Variants in BEST1 observed in about 807,000 individuals in gnomAD.
The protein encoded by BEST1 is bestrophin-1.
A neutral mutation model predicts 63.3 loss-of-function variants in BEST1; 58 were observed. That is an observed-to-expected ratio of 0.92 (90% CI 0.74 to 1.14). BEST1 has a LOEUF of 1.14. BEST1 is among the 50% of genes most tolerant of loss of function. The pLI, the probability that BEST1 is intolerant of heterozygous loss-of-function variation, is 0.00. For missense variants in BEST1, 671 were observed against 740.1 expected (o/e 0.91, Z 1.08); for synonymous variants, 283 against 291.6 (o/e 0.97, Z 0.30).
intron 3 of BEST1, 96 bp downstream of exon 3, chr11:61,955,297 G>A (rs1941177953): frequency 6.3e-6 from 10 of 1,590,840 alleles, no homozygotes; most frequent in Non-Finnish European, 8.6e-6. Flanking sequence ...AAGGGGCTGG[G>A]GAGGGGGCGG....
chr11:61,958,351 G>A, intron 7 of BEST1, 53 bp downstream of exon 7: 1 of 1,613,454 alleles, frequency 6.2e-7, no homozygotes, highest in Non-Finnish European at 8.5e-7. Context: ...AGGGGTCATG[G>A]CCAGCAGCTG....
In BEST1 at chr11:61,962,238, C is replaced by T. The variant is rs762958764; in HGVS notation, c.1101-17C>T. 15 of 1,613,338 alleles carry T rather than the reference C, an allele frequency of 9.3e-6. No homozygotes were observed. Among genetic ancestry groups the T allele is most frequent in the Admixed American group, 1.7e-5 (1 of 59,990 alleles). On this transcript the variant is annotated splice_polypyrimidine_tract_variant and intron_variant, in intron 9 of 10. Transcript: ENST00000378043. ...TTTGTCCACTGGCTCAGCCCTGCAT[C>T]TCCTGTTTCTTTCCAGCCTGAACAA...
rs1312136371 is a variant in BEST1 at position 61,957,533 on chromosome 11, G to GCACCTA, written c.714+69_714+70insCACCTA. ...CTAGAAGGACCAAGGAAGCAGCTGG[G>GCACCTA]GTGGGAAGGGCTCACCTAGAGGCTA... On this transcript the variant is annotated intron_variant, in intron 6 of 10. Transcript: ENST00000378043. The GCACCTA allele has an allele frequency of 3.1e-3, 4,618 of 1,482,374 alleles. 266 individuals are homozygous for GCACCTA. In the African/African-American group the frequency reaches 0.068, roughly 22 times the overall value. The allele number at this position is 1,482,374 out of a possible 1,614,324, so 91.8% of individuals were successfully genotyped here. A position where few individuals can be genotyped will look rare whatever the true frequency, so the allele number is the denominator to read the frequency against.
In BEST1 at chr11:61,964,291, C is replaced by T; in HGVS notation, c.*169C>T. Reference sequence around the variant, plus strand: ...GATAAAAATCCCAGACTACTTCAGCCTTTAATGCCTTTTATTCATAAAAAC... The same window carrying T: ...GATAAAAATCCCAGACTACTTCAGCTTTTAATGCCTTTTATTCATAAAAAC... On this transcript the variant is annotated 3_prime_UTR_variant, in exon 11 of 11. Coordinates refer to ENST00000378043, the MANE Select transcript of BEST1 (RefSeq NM_004183.4). 2 of 1,268,890 alleles carry T rather than the reference C, an allele frequency of 1.6e-6. No individual in the cohort carries two copies. The highest frequency in any genetic ancestry group is 2.5e-5 in the East Asian group (1 of 39,698). 78.6% of individuals were successfully genotyped at this position (1,268,890 alleles called of 1,614,324 possible). A position where few individuals can be genotyped will look rare whatever the true frequency, so the allele number is the denominator to read the frequency against.
intron 7 of BEST1, chr11:61,959,259 G>A (rs1048402690): frequency 2.2e-5 from 13 of 582,802 alleles, no homozygotes; most frequent in Non-Finnish European, 3.7e-5. Flanking sequence ...GATACACTCA[G>A]GGACAGCTGT....
chr11:61,962,086 GAGGTACAGGACAGATC>G, intron 9 of BEST1, 153 bp from the exon 10 acceptor site: 1 of 666,004 alleles, frequency 1.5e-6, no homozygotes, highest in Non-Finnish European at 2.6e-6. Flanking sequence ...GGATCACCGG[GAGGTACAGGACAGATC>G]AGGAGAGAGG....
chr11:61,956,432 G>A (rs907658017), intron 4 of BEST1, among the ~76,000 whole-genome samples: 20 of 152,078 alleles, frequency 1.3e-4, no homozygotes, highest in African/African-American at 4.8e-4. Context: ...TGGGAAGATC[G>A]CTTGAGCCCA....
intron 10 of BEST1, 156 bp downstream of exon 10, chr11:61,963,049 T>C (rs1942246498): frequency 6.6e-7 from 1 of 1,521,540 alleles, no homozygotes; most frequent in East Asian, 2.4e-5. Context: ...GGTATATACT[T>C]GGCCACCTTC....
At chr11:61,963,384 G>A in intron 10 of BEST1, 1 of 1,250,598 alleles carries the variant, frequency 8.0e-7, no homozygotes, top group East Asian at 3.1e-5. Flanking sequence ...GGAACTGGTA[G>A]ATGGTGAGGT....
At chr11:61,951,197 ATTATTTAT>A (rs112769638) in intron 1 of BEST1, among the ~76,000 whole-genome samples, 21 of 151,516 alleles carry the variant, frequency 1.4e-4, no homozygotes, top group Non-Finnish European at 2.2e-4. Context: ...TTGTCATTGT[ATTATTTAT>A]TTATTTATTT....
At chr11:61,955,615 C>G in intron 3 of BEST1, 103 bp from the exon 4 acceptor site, 3 of 1,323,612 alleles carry the variant, frequency 2.3e-6, no homozygotes, top group South Asian at 2.6e-5. Flanking sequence ...TAGGCCCGCT[C>G]GCAGCAGAAA....
At chr11:61,955,682 G>A in intron 3 of BEST1, 36 bp from the exon 4 acceptor site, 1 of 1,525,560 alleles carries the variant, frequency 6.6e-7, no homozygotes, top group Non-Finnish European at 8.9e-7. Context: ...CCGCAGCCTG[G>A]CCCCTCGCCC....
In BEST1 at chr11:61,956,999, G is replaced by C. The variant is rs62637337; in HGVS notation, c.636+1G>C. The stretch of plus-strand genomic sequence containing the variant: ...TATCCTGCTCCAGAGCCTGCTGAAC[G>C]TGAGCCCACTGTACAGACAGGGCTG... On this transcript the variant is annotated splice_donor_variant, in intron 5 of 10. Transcript: ENST00000378043. LOFTEE classifies it high-confidence loss of function. 6.2e-7 allele frequency: 1 copy of C among 1,614,142 alleles called. No individual in the cohort carries two copies. The highest frequency in any genetic ancestry group is 8.5e-7 in the Non-Finnish European group (1 of 1,180,020).
In BEST1 at chr11:61,958,244, C is replaced by T. The variant is rs370397270; in HGVS notation, c.813C>T (p.Leu271=). 4.7e-5 allele frequency: 76 copies of T among 1,614,094 alleles called. No individual in the cohort carries two copies. Among genetic ancestry groups the T allele is most frequent in the Middle Eastern group, 3.3e-4 (2 of 6,084 alleles). Residue 271 remains leucine (L), a synonymous_variant, in exon 7 of 11, where the codon CTC becomes CTT. Transcript: ENST00000378043. The part of the protein sequence containing the change: ...AKAYPGHELD[L]VVPVFTFLQF... ...CCTACCCTGGCCATGAGCTGGACCT[C>T]GTTGTGCCCGTCTTCACGTTCCTGC...
chr11:61,952,045 G>C, intron 2 of BEST1, 87 bp downstream of exon 2: 1 of 1,492,970 alleles, frequency 6.7e-7, no homozygotes, highest in Non-Finnish European at 9.2e-7. Flanking sequence ...CAGCTCAGGG[G>C]CCAGTGTACC....
intron 4 of BEST1, among the ~76,000 whole-genome samples, chr11:61,956,155 A>G (rs1201474611): frequency 6.6e-6 from 1 of 151,812 alleles, no homozygotes; most frequent in East Asian, 1.9e-4. Context: ...CCAGGAGCCC[A>G]CCCTCCGAGA....
downstream of BEST1, chr11:61,964,781 C>T: frequency 1.3e-6 from 2 of 1,599,802 alleles, no homozygotes; most frequent in Non-Finnish European, 8.5e-7. Flanking sequence ...GATATTCCGC[C>T]AAGCCAGATT....
chr11:61,951,811 C>G lies in BEST1; in HGVS notation c.5C>G (p.Thr2Ser), dbSNP rs1209208472. M[T>S]ITYTSQVANA... is the part of the protein sequence containing the mutation. ...GCTGCAGCCCACTGCCTGGCCATGA[C>G]CATCACTTACACAAGCCAAGTGGCT... The change falls in exon 2 of 11, where the codon ACC becomes AGC. Residue 2 changes from threonine to serine, a missense_variant. By Grantham distance (58) the Thr-to-Ser change is moderately conservative. Transcript: ENST00000378043. The G allele has an allele frequency of 6.2e-7, 1 of 1,612,394 alleles. No individual in the cohort carries two copies. The highest frequency in any genetic ancestry group is 8.5e-7 in the Non-Finnish European group (1 of 1,180,026).
chr11:61,960,179 CATT>C lies in BEST1; in HGVS notation c.1100+138_1100+140del, dbSNP rs539194061. On this transcript the variant is annotated intron_variant, in intron 9 of 10. Coordinates refer to ENST00000378043, the MANE Select transcript of BEST1 (RefSeq NM_004183.4). ...GGCACTGTACTATGCTCTTTATAAA[CATT>C]AACTATTTTTTTCCTCCCAATAATT... 161 of 1,200,748 alleles carry C rather than the reference CATT, an allele frequency of 1.3e-4. No homozygotes were observed. The Middle Eastern group carries it at 1.9e-3, about 14-fold the overall frequency. The allele number at this position is 1,200,748 out of a possible 1,614,324, so 74.4% of individuals were successfully genotyped here. A position where few individuals can be genotyped will look rare whatever the true frequency, so the allele number is the denominator to read the frequency against.
Sources: allele counts gnomAD v4.1 joint callset (sites outside exome capture counted in the v4.1 genomes callset), GRCh38; gene constraint gnomAD v4.1.1; transcripts MANE v1.5; gene names NCBI Gene and HGNC (gene_info 2026-07-23, HGNC 2026-07-21).